The following INPP4B variants were observed in gnomAD, a reference collection of about 807,000 sequenced individuals.
INPP4B encodes the protein inositol polyphosphate 4-phosphatase type II.
INPP4B carries 55 observed loss-of-function variants against 122.5 expected under a neutral mutation model. That is an observed-to-expected ratio of 0.45 (90% CI 0.36 to 0.56). The LOEUF (loss-of-function observed/expected upper bound fraction) is 0.56. Ranked by LOEUF, INPP4B falls within the 20% of genes least tolerant of loss-of-function variation. The pLI is 0.00. For missense variants in INPP4B, 1,000 were observed against 1,097.7 expected (o/e 0.91, Z 1.26); for synonymous variants, 403 against 388.7 (o/e 1.04, Z -0.43).
intron 9 of INPP4B, among the ~76,000 whole-genome samples, chr4:142,286,667 T>C (rs899116513): frequency 2.6e-5 from 4 of 152,170 alleles, no homozygotes; most frequent in African/African-American, 9.7e-5. Flanking sequence ...ATGCATTTTG[T>C]AGAAACAGGC....
At chr4:142,571,921 A>G (rs1374495062) in intron 2 of INPP4B, among the ~76,000 whole-genome samples, 2 of 152,180 alleles carry the variant, frequency 1.3e-5, no homozygotes, top group African/African-American at 2.4e-5. Context: ...TGCAAATTAA[A>G]TAAATCAGCG....
At chr4:142,067,751 T>A (rs547872650) in intron 25 of INPP4B, among the ~76,000 whole-genome samples, 190 of 151,918 alleles carry the variant, frequency 1.3e-3, no homozygotes, top group African/African-American at 4.4e-3. Flanking sequence ...ATTAAATAAA[T>A]AAAATGAAGT....
At chr4:142,667,712 C>T (rs1003208709) in intron 2 of INPP4B, among the ~76,000 whole-genome samples, 1 of 152,054 alleles carries the variant, frequency 6.6e-6, no homozygotes, top group Non-Finnish European at 1.5e-5. Flanking sequence ...GACTATAAGG[C>T]TATTGAGATA....
intron 5 of INPP4B, among the ~76,000 whole-genome samples, chr4:142,423,343 A>G (rs1163277978): frequency 6.6e-6 from 1 of 152,214 alleles, no homozygotes; most frequent in Non-Finnish European, 1.5e-5. Context: ...TCTTGTGCAG[A>G]TTGTCAGTTG....
intron 9 of INPP4B, among the ~76,000 whole-genome samples, chr4:142,292,943 T>G (rs1757047534): frequency 6.6e-6 from 1 of 152,206 alleles, no homozygotes; most frequent in Non-Finnish European, 1.5e-5. Flanking sequence ...TTTTAAAACT[T>G]TACTTTCTAT....
intron 2 of INPP4B, among the ~76,000 whole-genome samples, chr4:142,681,290 C>A (rs1242659268): frequency 6.6e-6 from 1 of 151,684 alleles, no homozygotes; most frequent in Non-Finnish European, 1.5e-5. Context: ...AAGTCAATGT[C>A]GTTTCCTAGC....
chr4:142,405,344 CAGAA>C lies in INPP4B; in HGVS notation c.137-24_137-21del, dbSNP rs753712825. The C allele has an allele frequency of 6.9e-5, 100 of 1,455,260 alleles. No homozygotes were observed. Among genetic ancestry groups the C allele is most frequent in the Non-Finnish European group, 8.7e-5 (90 of 1,037,204 alleles). The allele number at this position is 1,455,260 out of a possible 1,614,324, so 90.1% of individuals were successfully genotyped here. A position where few individuals can be genotyped will look rare whatever the true frequency, so the allele number is the denominator to read the frequency against. On this transcript the variant is annotated intron_variant, in intron 5 of 25. Coordinates refer to ENST00000262992, the MANE Select transcript of INPP4B (RefSeq NM_001101669.3). ...TGCATGCTGGCAACGGCAGAGGAGA[CAGAA>C]AGAAAAGAAACTAACACCATATCTC...
intron 3 of INPP4B, among the ~76,000 whole-genome samples, chr4:142,442,115 A>AATT (rs1811855348): frequency 2.6e-5 from 4 of 152,192 alleles, no homozygotes; most frequent in Admixed American, 1.3e-4. Flanking sequence ...CATAGACCAT[A>AATT]AGAAAAACAT....
At chr4:142,268,348 G>GAAAAAAAAAAAAA (rs1383781390) in intron 10 of INPP4B, among the ~76,000 whole-genome samples, 6 of 26,770 alleles carry the variant, frequency 2.2e-4, no homozygotes, top group Non-Finnish European at 4.6e-4. Context: ...AAAAAAAAAT[G>GAAAAAAAAAAAAA]AGGGGTAAGT....
chr4:142,126,897 CT>C (rs1247549958), intron 18 of INPP4B, among the ~76,000 whole-genome samples: 1 of 151,700 alleles, frequency 6.6e-6, no homozygotes, highest in African/African-American at 2.4e-5. Flanking sequence ...AATTGTTGTT[CT>C]CAATATGAAT....
intron 2 of INPP4B, among the ~76,000 whole-genome samples, chr4:142,604,643 T>C (rs894758958): frequency 1.3e-5 from 2 of 151,766 alleles, no homozygotes; most frequent in African/African-American, 2.4e-5. Context: ...AAAAAAATAC[T>C]TGAAAATAAA....
intron 2 of INPP4B, among the ~76,000 whole-genome samples, chr4:142,598,585 A>C (rs7675305): frequency 6.6e-6 from 1 of 151,982 alleles, no homozygotes; most frequent in Non-Finnish European, 1.5e-5. Flanking sequence ...AGCCCACAGG[A>C]AGTACTATTC....
chr4:142,305,280 C>T (rs1371862375), intron 9 of INPP4B, among the ~76,000 whole-genome samples, 178 bp downstream of exon 9: 1 of 152,078 alleles, frequency 6.6e-6, no homozygotes, highest in Non-Finnish European at 1.5e-5. Context: ...GAAACATGAA[C>T]TTCAATGCAA....
At chr4:142,208,639 A>G (rs1434797077) in intron 13 of INPP4B, 110 bp from the exon 14 acceptor site, 3 of 589,664 alleles carry the variant, frequency 5.1e-6, no homozygotes, top group Middle Eastern at 4.3e-4. Flanking sequence ...AAAGAAAAAC[A>G]TATCCTATAT....
chr4:142,612,610 T>C (rs1368666077), intron 2 of INPP4B, among the ~76,000 whole-genome samples: 1 of 152,210 alleles, frequency 6.6e-6, no homozygotes, highest in Non-Finnish European at 1.5e-5. Context: ...TTGCAGTTTT[T>C]GCCATTTTTA....
intron 5 of INPP4B, among the ~76,000 whole-genome samples, chr4:142,421,665 C>A (rs1025323229): frequency 6.6e-6 from 1 of 152,038 alleles, no homozygotes; most frequent in South Asian, 2.1e-4. Flanking sequence ...GGAAAATGAG[C>A]TCTAGGATTT....
intron 12 of INPP4B, among the ~76,000 whole-genome samples, chr4:142,223,933 T>C (rs1400516702): frequency 6.6e-6 from 1 of 152,116 alleles, no homozygotes. Flanking sequence ...ATCTACGAAG[T>C]TTATTTGATA....
chr4:142,105,444 A>G (rs976529366), intron 23 of INPP4B, among the ~76,000 whole-genome samples: 13 of 152,196 alleles, frequency 8.5e-5, no homozygotes, highest in African/African-American at 3.1e-4. Context: ...ACTATAAACT[A>G]AAATTGCTAC....
At chr4:142,157,734 A>G (rs1817973436) in intron 17 of INPP4B, among the ~76,000 whole-genome samples, 1 of 152,104 alleles carries the variant, frequency 6.6e-6, no homozygotes, top group Non-Finnish European at 1.5e-5. Flanking sequence ...ACAAACAACC[A>G]TGCCACCTGA....
Sources: allele counts gnomAD v4.1 joint callset (sites outside exome capture counted in the v4.1 genomes callset), GRCh38; gene constraint gnomAD v4.1.1; transcripts MANE v1.5; gene names NCBI Gene and HGNC (gene_info 2026-07-23, HGNC 2026-07-21).